The following TRPM3 variants were observed in gnomAD, a reference collection of about 807,000 sequenced individuals.
The protein encoded by TRPM3 is long transient receptor potential channel 3.
TRPM3 carries 77 observed loss-of-function variants against 181.2 expected under a neutral mutation model. The ratio of observed to expected loss-of-function variants is 0.42; its 90% CI spans 0.35 to 0.51. The LOEUF is 0.51. Among genes scored for constraint, TRPM3 ranks in the 20% least tolerant of loss-of-function variants. The pLI is 0.01. For missense variants in TRPM3, 1,759 were observed against 2,196.7 expected (o/e 0.80, Z 3.98); for synonymous variants, 745 against 796.4 (o/e 0.94, Z 1.09).
intron 1 of TRPM3, among the ~76,000 whole-genome samples, chr9:71,110,094 C>T (rs915936141): frequency 2.6e-5 from 4 of 152,138 alleles, no homozygotes; most frequent in Admixed American, 6.6e-5. Context: ...TAGCCCACCA[C>T]ACACTGCTCC....
At chr9:71,347,682 G>A (rs1210296498) in intron 1 of TRPM3, among the ~76,000 whole-genome samples, 1 of 152,144 alleles carries the variant, frequency 6.6e-6, no homozygotes, top group Non-Finnish European at 1.5e-5. Flanking sequence ...TTGGGAGCCT[G>A]ATGGATCGCT....
intron 8 of TRPM3, among the ~76,000 whole-genome samples, chr9:70,755,562 G>T (rs1180007095): frequency 2.0e-5 from 3 of 152,026 alleles, no homozygotes; most frequent in Non-Finnish European, 4.4e-5. Context: ...TAGAGACGGG[G>T]TTTCTTCATG....
At chr9:70,851,990 G>A (rs369542048) in intron 3 of TRPM3, among the ~76,000 whole-genome samples, 14 of 151,284 alleles carry the variant, frequency 9.3e-5, no homozygotes, top group African/African-American at 1.5e-4. Context: ...GCAGTGGCGC[G>A]CACCTGTAAT....
At chr9:70,995,285 C>T (rs978246696) in intron 1 of TRPM3, among the ~76,000 whole-genome samples, 1 of 152,192 alleles carries the variant, frequency 6.6e-6, no homozygotes, top group African/African-American at 2.4e-5. Flanking sequence ...TCCTAAAGAG[C>T]TTTATTCAAG....
chr9:70,835,001 G>T (rs1428059031), intron 5 of TRPM3, among the ~76,000 whole-genome samples: 1 of 152,114 alleles, frequency 6.6e-6, no homozygotes, highest in East Asian at 1.9e-4. Flanking sequence ...TGAATGACTT[G>T]GTGCCCTCCC....
intron 1 of TRPM3, among the ~76,000 whole-genome samples, chr9:71,304,143 T>C (rs1248280492): frequency 6.6e-6 from 1 of 152,194 alleles, no homozygotes; most frequent in African/African-American, 2.4e-5. Context: ...ATGCAACAAA[T>C]TGAACTTGGT....
intron 1 of TRPM3, among the ~76,000 whole-genome samples, chr9:71,409,304 A>C (rs1045232077): frequency 1.3e-5 from 2 of 152,214 alleles, no homozygotes; most frequent in African/African-American, 4.8e-5. Context: ...ATTAAAAGAC[A>C]CAGACTGGCA....
chr9:70,531,073 A>T lies in TRPM3; in HGVS notation c.*4880T>A, dbSNP rs547456487. On this transcript the variant is annotated 3_prime_UTR_variant, in exon 26 of 26. Transcript: ENST00000677713. ...ATCACACATTCACAGCGATCTGCGC[A>T]CTTCTGCACTATCACAAATGGACTT... 2.7e-4 allele frequency: 41 copies of T among 152,278 alleles called. No homozygotes were observed. The highest frequency in any genetic ancestry group is 9.4e-4 in the African/African-American group (39 of 41,558). 9.4% of individuals were successfully genotyped at this position (152,278 alleles called of 1,614,324 possible).
intron 8 of TRPM3, among the ~76,000 whole-genome samples, chr9:70,691,000 G>T (rs1817740135): frequency 2.0e-5 from 3 of 152,130 alleles, no homozygotes. Context: ...TTCTAGAAAT[G>T]AACATGATGA....
At chr9:71,059,300 G>A (rs974868464) in intron 1 of TRPM3, among the ~76,000 whole-genome samples, 3 of 151,894 alleles carry the variant, frequency 2.0e-5, no homozygotes, top group African/African-American at 7.3e-5. Flanking sequence ...CTGCTCGCAA[G>A]AGTAGTATAT....
chr9:70,568,141 T>C (rs2051145733), intron 22 of TRPM3, among the ~76,000 whole-genome samples: 1 of 152,190 alleles, frequency 6.6e-6, no homozygotes. Context: ...AGGTGTCTAG[T>C]GGAATAAAAG....
chr9:71,392,949 C>A (rs188241747), intron 1 of TRPM3, among the ~76,000 whole-genome samples: 14 of 152,112 alleles, frequency 9.2e-5, no homozygotes, highest in Non-Finnish European at 1.9e-4. Flanking sequence ...GAATATAGAA[C>A]AATGTAGAAA....
chr9:70,696,525 TC>T (rs2070514824), intron 8 of TRPM3, among the ~76,000 whole-genome samples: 1 of 152,130 alleles, frequency 6.6e-6, no homozygotes, highest in Admixed American at 6.5e-5. Flanking sequence ...TCAGGAACAT[TC>T]CCATGTGCTC....
At chr9:70,573,456 T>C (rs1564384290) in intron 22 of TRPM3, among the ~76,000 whole-genome samples, 2 of 152,238 alleles carry the variant, frequency 1.3e-5, no homozygotes, top group African/African-American at 4.8e-5. Context: ...GAATGTCTGC[T>C]GGGATAGCAG....
At chr9:70,898,307 A>G (rs2096316593) in intron 1 of TRPM3, among the ~76,000 whole-genome samples, 1 of 151,254 alleles carries the variant, frequency 6.6e-6, no homozygotes, top group Non-Finnish European at 1.5e-5. Context: ...TATTTTTAGT[A>G]GAGATGGGGT....
chr9:70,963,733 C>T (rs1432512018), intron 1 of TRPM3, among the ~76,000 whole-genome samples: 4 of 152,148 alleles, frequency 2.6e-5, no homozygotes, highest in Admixed American at 2.6e-4. Flanking sequence ...GTTCCTCAGA[C>T]TGGGCACCAA....
At chr9:70,907,663 A>G (rs1311391876) in intron 1 of TRPM3, among the ~76,000 whole-genome samples, 1 of 152,212 alleles carries the variant, frequency 6.6e-6, no homozygotes, top group Non-Finnish European at 1.5e-5. Flanking sequence ...AGTAATGAAC[A>G]TCGTACCCAA....
intron 1 of TRPM3, among the ~76,000 whole-genome samples, chr9:70,968,491 G>A (rs186656136): frequency 2.8e-4 from 42 of 152,248 alleles, no homozygotes; most frequent in Non-Finnish European, 3.1e-4. Context: ...GAATCTGAGA[G>A]CCCCTCTTAT....
At chr9:71,340,068 A>G (rs561386801) in intron 1 of TRPM3, among the ~76,000 whole-genome samples, 1 of 152,254 alleles carries the variant, frequency 6.6e-6, no homozygotes, top group South Asian at 2.1e-4. Context: ...TCTACACAAC[A>G]TTGGATTGAA....
Sources: gnomAD v4.1 joint callset for allele counts (sites outside exome capture counted in the v4.1 genomes callset) on GRCh38, gnomAD v4.1.1 for gene constraint, MANE v1.5 for transcripts, NCBI Gene and HGNC (gene_info 2026-07-23, HGNC 2026-07-21) for gene names.